NCKAP5: variants seen among roughly 807,000 people sequenced by gnomAD.
NCKAP5 encodes the protein nck-associated protein 5.
Under a neutral mutation model 167.0 loss-of-function variants are expected in NCKAP5, and 92 were observed. The observed-to-expected ratio is 0.55, with a 90% CI of 0.47 to 0.66. NCKAP5 has a LOEUF of 0.66. Ranked by LOEUF, NCKAP5 falls within the 30% of genes least tolerant of loss-of-function variation. NCKAP5 has a pLI of 0.00. For missense variants in NCKAP5, 2,378 were observed against 2,315.0 expected, an observed-to-expected ratio of 1.03 and a Z score of -0.56; for synonymous variants, 891 against 877.4, an observed-to-expected ratio of 1.02 and a Z score of -0.27.
the NCKAP5 span, among the ~76,000 whole-genome samples, chr2:133,633,263 G>A: frequency 7.2e-5 from 11 of 152,126 alleles, no homozygotes; most frequent in Non-Finnish European, 1.5e-4. Flanking sequence ...ACTGCTTCCC[G>A]AACAAATGGC....
chr2:133,030,590 T>A (rs149229432), intron 6 of NCKAP5, among the ~76,000 whole-genome samples: 1 of 152,174 alleles, frequency 6.6e-6, no homozygotes, highest in Non-Finnish European at 1.5e-5. Flanking sequence ...GCATTCTGAC[T>A]GGTCATTTGG....
chr2:132,691,965 A>G (rs1431992908), intron 19 of NCKAP5, among the ~76,000 whole-genome samples: 1 of 152,038 alleles, frequency 6.6e-6, no homozygotes, highest in African/African-American at 2.4e-5. Flanking sequence ...CCTGTCTTTG[A>G]CCTTTCAGCT....
intron 6 of NCKAP5, among the ~76,000 whole-genome samples, chr2:133,026,228 T>C (rs995113293): frequency 1.3e-5 from 2 of 152,194 alleles, no homozygotes; most frequent in African/African-American, 2.4e-5. Flanking sequence ...AGGTTCCTTG[T>C]AGACTCTGGA....
intron 8 of NCKAP5, among the ~76,000 whole-genome samples, chr2:132,956,137 AAC>A (rs2076336375): frequency 6.6e-6 from 1 of 152,216 alleles, no homozygotes; most frequent in Non-Finnish European, 1.5e-5. Context: ...TGGATATGTT[AAC>A]TAGCTTGATG....
chr2:132,948,315 G>A (rs542007935), intron 8 of NCKAP5, among the ~76,000 whole-genome samples: 28 of 152,252 alleles, frequency 1.8e-4, no homozygotes, highest in African/African-American at 6.3e-4. Context: ...TCATTGCAAC[G>A]TGATTCATCT....
intron 3 of NCKAP5, among the ~76,000 whole-genome samples, chr2:133,475,056 G>A (rs1430002361): frequency 2.0e-5 from 3 of 152,222 alleles, no homozygotes; most frequent in East Asian, 1.9e-4. Flanking sequence ...TGATCCGCCC[G>A]CCTCAGCCTC....
chr2:133,002,172 G>A (rs918523087), intron 6 of NCKAP5, among the ~76,000 whole-genome samples: 4 of 152,110 alleles, frequency 2.6e-5, no homozygotes, highest in African/African-American at 9.7e-5. Flanking sequence ...AATTCTTCTA[G>A]ATCCAGGCTT....
chr2:133,593,746 T>C, the NCKAP5 span, among the ~76,000 whole-genome samples: 1 of 152,238 alleles, frequency 6.6e-6, no homozygotes, highest in Non-Finnish European at 1.5e-5. Context: ...AATCACATTA[T>C]GTGATTATGG....
intron 5 of NCKAP5, among the ~76,000 whole-genome samples, chr2:133,192,076 T>G (rs1190525346): frequency 6.6e-6 from 1 of 152,036 alleles, no homozygotes; most frequent in Non-Finnish European, 1.5e-5. Flanking sequence ...ATCATGACTG[T>G]GTGTTATCAG....
chr2:133,090,254 G>T (rs1188082578), intron 6 of NCKAP5, among the ~76,000 whole-genome samples: 2 of 151,648 alleles, frequency 1.3e-5, no homozygotes, highest in Admixed American at 6.6e-5. Flanking sequence ...AGAACTCTTT[G>T]CAGTTGTAAT....
At position 133,209,141 on chromosome 2, in the gene NCKAP5, G is replaced by A. The variant is rs187328197; in HGVS notation, c.207+4575C>T. Among the ~76,000 whole-genome samples, 1,098 of 151,816 alleles carry A rather than the reference G, an allele frequency of 7.2e-3. 3 individuals are homozygous for A. The highest frequency in any genetic ancestry group is 0.011 in the Non-Finnish European group (755 of 67,974). On this transcript the variant is annotated intron_variant, in intron 5 of 19. Transcript: ENST00000409261. Reference sequence around the variant, plus strand: ...TACCTTCATACTCTTGGGGTAGGATGGACCATTTTTATGCATACCAATATT... The same window carrying A: ...TACCTTCATACTCTTGGGGTAGGATAGACCATTTTTATGCATACCAATATT...
Position 132,731,654 on chromosome 2 carries a change from C to T in NCKAP5, c.5443+83G>A, listed in dbSNP as rs574427817. On this transcript the variant is annotated intron_variant, in intron 17 of 19. Coordinates refer to ENST00000409261, the MANE Select transcript of NCKAP5 (RefSeq NM_207363.3). ...ATCTACATTTTTATCAGGCAGGTCA[C>T]TGACTTACTCATCTCCTGGTGAAAA... 1.6e-4 allele frequency: 227 copies of T among 1,423,170 alleles called. 4 individuals carry two copies. In the South Asian group the frequency reaches 3.1e-3, roughly 19 times the overall value. 88.2% of individuals were successfully genotyped at this position (1,423,170 alleles called of 1,614,324 possible).
chr2:133,197,315 A>G (rs2085480747), intron 5 of NCKAP5, among the ~76,000 whole-genome samples: 1 of 152,210 alleles, frequency 6.6e-6, no homozygotes. Flanking sequence ...AATAAATCCA[A>G]AAAGTATTGT....
At chr2:133,117,140 GAATTA>G (rs1238941741) in intron 6 of NCKAP5, 1 of 152,108 alleles carries the variant, frequency 6.6e-6, no homozygotes, top group Non-Finnish European at 1.5e-5. Flanking sequence ...ACTGTTTTAA[GAATTA>G]AATTACATGT....
In NCKAP5 at chr2:133,248,976, T is replaced by C. The variant is rs563521679; in HGVS notation, c.144-35197A>G. On this transcript the variant is annotated intron_variant, in intron 4 of 19. Transcript: ENST00000409261. ...CTTGGTATCTTACTTTTAAATTTGTTTTTCTTGCTCAGCGTCTGCCAGAGA... is the reference window on the plus strand; with the variant it reads ...CTTGGTATCTTACTTTTAAATTTGTCTTTCTTGCTCAGCGTCTGCCAGAGA... 3.3e-5 allele frequency among the ~76,000 whole-genome samples: 5 copies of C among 152,290 alleles called. No homozygotes were observed. The East Asian group carries it at 7.7e-4, about 24-fold the overall frequency.
chr2:133,663,110 CA>C, the NCKAP5 span, among the ~76,000 whole-genome samples: 10 of 151,762 alleles, frequency 6.6e-5, no homozygotes, highest in Admixed American at 4.6e-4. Context: ...ACTAAAAATA[CA>C]AAAAATTAGC....
intron 3 of NCKAP5, among the ~76,000 whole-genome samples, chr2:133,349,438 G>A (rs539233866): frequency 3.9e-5 from 6 of 152,338 alleles, no homozygotes; most frequent in Non-Finnish European, 5.9e-5. Context: ...CCTGGATCAA[G>A]TGGCAAGTTT....
chr2:133,365,804 T>C (rs1486628565), intron 3 of NCKAP5, among the ~76,000 whole-genome samples: 1 of 152,180 alleles, frequency 6.6e-6, no homozygotes, highest in African/African-American at 2.4e-5. Flanking sequence ...TTTCAACATT[T>C]TTTCTTGTTT....
intron 2 of NCKAP5, among the ~76,000 whole-genome samples, chr2:133,541,460 A>G (rs1686220068): frequency 6.6e-6 from 1 of 152,168 alleles, no homozygotes; most frequent in African/African-American, 2.4e-5. Context: ...CATTTTATGC[A>G]ATATATGGTA....
Sources: gnomAD v4.1 joint callset for allele counts (sites outside exome capture counted in the v4.1 genomes callset) on GRCh38, gnomAD v4.1.1 for gene constraint, MANE v1.5 for transcripts, NCBI Gene and HGNC (gene_info 2026-07-23, HGNC 2026-07-21) for gene names.